LZTS3: variants seen among roughly 807,000 people sequenced by gnomAD.
The protein encoded by LZTS3 is leucine zipper tumor suppressor family member 3.
A neutral mutation model predicts 50.9 loss-of-function variants in LZTS3; 16 were observed. The observed-to-expected ratio is 0.31, with a 90% CI of 0.21 to 0.48. The LOEUF is 0.48. LZTS3 is among the 20% of genes least tolerant of loss of function. The probability of loss-of-function intolerance (pLI) is 0.99; values close to 1 mark genes in which losing one functional copy is unlikely to be tolerated. For synonymous variants in LZTS3, 408 were observed against 410.6 expected (o/e 0.99, Z 0.08); for missense variants, 816 against 931.0 (o/e 0.88, Z 1.61).
rs746599324 is a variant in LZTS3, at chr20:3,166,159, G to C, written c.661C>G (p.Arg221Gly). Residue 221 changes from arginine (R) to glycine (G), a missense_variant, in exon 4 of 5, where the codon CGG becomes GGG. By Grantham distance (125) the Arg-to-Gly change is moderately radical. Coordinates refer to ENST00000337576, the MANE Select transcript of LZTS3 (RefSeq NM_001365618.1). ...GTGGGCAGGCTTGTGAGGGAGTTCC[G>C]GCCTGAGTCTGAGAGGCCACTCCCA... ...GSGSGLSDSG[R>G]NSLTSLPTYS... The C allele has an allele frequency of 6.2e-7, 1 of 1,613,782 alleles. No individual in the cohort carries two copies. The highest frequency in any genetic ancestry group is 1.3e-5 in the African/African-American group (1 of 75,050).
rs1370064716 is a variant in LZTS3 at position 3,166,950 on chromosome 20, G to A, written c.214C>T (p.Arg72Ter). 5 of 1,605,974 alleles carry A rather than the reference G, an allele frequency of 3.1e-6. No homozygotes were observed. The highest frequency in any genetic ancestry group is 4.2e-6 in the Non-Finnish European group (5 of 1,179,374). ...GGSQGSFPGPRGSGSGASRER... is the reference protein window; with the variant it reads ...GGSQGSFPGP ...CTGCTGGCCCCACTGCCACTGCCTC[G>A]GGGGCCAGGGAAACTGCCCTGGCTG... Residue 72 changes from arginine to a stop codon, truncating the protein, a stop_gained, in exon 3 of 5, where the codon CGA becomes TGA. Transcript: ENST00000337576. LOFTEE classifies it high-confidence loss of function.
chr20:3,168,337 C>G (rs1442765013), intron 1 of LZTS3: 7 of 123,632 alleles, frequency 5.7e-5, no homozygotes, highest in Non-Finnish European at 1.0e-4. Context: ...GCGTTTCCCA[C>G]AGGTGGGAGG....
rs397955055 is a variant in LZTS3, at chr20:3,170,486, CAAAA to C, written c.-242-2529_-242-2526del. On this transcript the variant is annotated intron_variant, in intron 1 of 4. Coordinates refer to ENST00000337576, the MANE Select transcript of LZTS3 (RefSeq NM_001365618.1). ...CCTGGAAGACAGAGCGAGACTACAT[CAAAA>C]AAAAAAAAAAAAAAAACAGGTTGGC... Among the ~76,000 whole-genome samples, 338 of 72,550 alleles carry C rather than the reference CAAAA, an allele frequency of 4.7e-3. 5 individuals are homozygous for C. The highest frequency in any genetic ancestry group is 0.022 in the African/African-American group (308 of 13,930). The allele number at this position is 72,550 out of a possible 152,430, so 47.6% of individuals were successfully genotyped here.
Position 3,164,898 on chromosome 20 carries a change from C to T in LZTS3, c.1578G>A (p.Pro526=), listed in dbSNP as rs749972527. The T allele has an allele frequency of 6.4e-7, 1 of 1,551,726 alleles. No homozygotes were observed. Residue 526 remains proline (P), a synonymous_variant, in exon 5 of 5, where the codon CCG becomes CCA. Coordinates refer to ENST00000337576, the MANE Select transcript of LZTS3 (RefSeq NM_001365618.1). ...TGGCCAGAGCATCCTGTGGCTCGGC[C>T]GGGTCCACGGGGGTCAGCGCCGGCT... ...CLKPALTPVD[P]AEPQDALATC...
At chr20:3,166,415 C>A in intron 3 of LZTS3, 55 bp from the exon 4 acceptor site, 1 of 1,526,426 alleles carries the variant, frequency 6.6e-7, no homozygotes, top group Non-Finnish European at 8.8e-7. Context: ...GGGCTTGGCC[C>A]AGGCTCTTCC....
At chr20:3,166,491 T>C in intron 3 of LZTS3, 131 bp from the exon 4 acceptor site, 1 of 1,254,378 alleles carries the variant, frequency 8.0e-7, no homozygotes, top group Non-Finnish European at 1.1e-6. Flanking sequence ...AGGTTCCCCA[T>C]CCGGGGTTCT....
In LZTS3 at chr20:3,166,897, C is replaced by T; in HGVS notation, c.267G>A (p.Glu89=). The change falls in exon 3 of 5, where the codon GAG becomes GAA. Residue 89 remains glutamate (E), a synonymous_variant. Transcript: ENST00000337576. ...AGAGGGAGTTGGCGAGACCCTTGTC[C>T]TCTGAGGGGTAGCGGCCCGGCCTCT... The part of the protein sequence containing the change: ...SRERPGRYPS[E]DKGLANSLYL... The T allele has an allele frequency of 6.2e-7, 1 of 1,613,314 alleles. No homozygotes were observed. Among genetic ancestry groups the T allele is most frequent in the Non-Finnish European group, 8.5e-7 (1 of 1,180,012 alleles).
Position 3,167,968 on chromosome 20 carries a change from A to C in LZTS3, c.-242-7T>G. The C allele has an allele frequency of 1.6e-6, 1 of 625,304 alleles. No homozygotes were observed. The highest frequency in any genetic ancestry group is 2.0e-6 in the Non-Finnish European group (1 of 501,328). 38.7% of individuals were successfully genotyped at this position (625,304 alleles called of 1,614,324 possible). A position where few individuals can be genotyped will look rare whatever the true frequency, so the allele number is the denominator to read the frequency against. On this transcript the variant is annotated splice_region_variant and splice_polypyrimidine_tract_variant and intron_variant, in intron 1 of 4. Coordinates refer to ENST00000337576, the MANE Select transcript of LZTS3 (RefSeq NM_001365618.1). ...CGGACTGCAGTTTTCTCCTCTGCGA[A>C]ATGGGAGGAATGAAGGACCTACCTT...
intron 1 of LZTS3, among the ~76,000 whole-genome samples, chr20:3,171,318 C>A (rs2066900164): frequency 6.6e-6 from 1 of 152,102 alleles, no homozygotes; most frequent in Non-Finnish European, 1.5e-5. Context: ...GGACCATTGT[C>A]CTGAGCCTCC....
In LZTS3 at chr20:3,165,251, G is replaced by C. The variant is rs1316373990; in HGVS notation, c.1324-99C>G. On this transcript the variant is annotated intron_variant, in intron 4 of 4. Transcript: ENST00000337576. This position sits in a 1 kb window ranked among gnomAD's most constrained non-coding sequence, Gnocchi z 5.0. ...TGGAGCCAGGGGCACCAAGCTTCCC[G>C]GGGCTGCAGGCTCAGCCCCTCATCA... 2 of 1,278,692 alleles carry C rather than the reference G, an allele frequency of 1.6e-6. No individual in the cohort carries two copies. Among genetic ancestry groups the C allele is most frequent in the Non-Finnish European group, 2.1e-6 (2 of 957,044 alleles). The allele number at this position is 1,278,692 out of a possible 1,614,324, so 79.2% of individuals were successfully genotyped here. A position where few individuals can be genotyped will look rare whatever the true frequency, so the allele number is the denominator to read the frequency against.
Position 3,167,932 on chromosome 20 carries a change from C to T in LZTS3, c.-213G>A. ...AGCTGCGCGACTTTGGAGGGGCCGA[C>T]TGAGCCATCCCGGACTGCAGTTTTC... On this transcript the variant is annotated 5_prime_UTR_variant, in exon 2 of 5. Coordinates refer to ENST00000337576, the MANE Select transcript of LZTS3 (RefSeq NM_001365618.1). 5 of 879,358 alleles carry T rather than the reference C, an allele frequency of 5.7e-6. No homozygotes were observed. The highest frequency in any genetic ancestry group is 5.5e-6 in the Non-Finnish European group (4 of 733,020). The allele number at this position is 879,358 out of a possible 1,614,324, so 54.5% of individuals were successfully genotyped here.
chr20:3,165,250 C>T lies in LZTS3; in HGVS notation c.1324-98G>A, dbSNP rs1479388405. 6.2e-6 allele frequency: 8 copies of T among 1,286,982 alleles called. No individual in the cohort carries two copies. Among genetic ancestry groups the T allele is most frequent in the South Asian group, 1.6e-5 (1 of 64,458 alleles). The allele number at this position is 1,286,982 out of a possible 1,614,324, so 79.7% of individuals were successfully genotyped here. On this transcript the variant is annotated intron_variant, in intron 4 of 4. Coordinates refer to ENST00000337576, the MANE Select transcript of LZTS3 (RefSeq NM_001365618.1). The surrounding 1 kb of genome is among the most constrained non-coding windows in gnomAD (Gnocchi z 5.0). The stretch of plus-strand genomic sequence containing the variant: ...CTGGAGCCAGGGGCACCAAGCTTCC[C>T]GGGGCTGCAGGCTCAGCCCCTCATC...
At chr20:3,169,710 C>CGG (rs2066878517) in intron 1 of LZTS3, among the ~76,000 whole-genome samples, 1 of 151,806 alleles carries the variant, frequency 6.6e-6, no homozygotes, top group Non-Finnish European at 1.5e-5. Context: ...GGAACCCCAT[C>CGG]TCTACTAAAA....
chr20:3,165,065 C>A lies in LZTS3; in HGVS notation c.1411G>T (p.Val471Leu), dbSNP rs764591547. Residue 471 changes from valine (V) to leucine (L), a missense_variant, in exon 5 of 5, where the codon GTG becomes TTG. This residue lies in a region of LZTS3 where 700 missense variants were observed against 769.4 expected (regional missense o/e 0.91). Transcript: ENST00000337576. This position sits in a 1 kb window ranked among gnomAD's most constrained non-coding sequence, Gnocchi z 5.0. ...TCCCGCAGCTGCGAGCGCAGTCCCA[C>A]GATCTCACTCAACTTCTGCGACACA... ...ADVSQKLSEI[V>L]GLRSQLREGR... 1 of 1,587,474 alleles carries A rather than the reference C, an allele frequency of 6.3e-7. No homozygotes were observed. Among genetic ancestry groups the A allele is most frequent in the South Asian group, 1.1e-5 (1 of 87,246 alleles).
At chr20:3,171,558 G>A (rs372407521) in intron 1 of LZTS3, among the ~76,000 whole-genome samples, 5 of 151,834 alleles carry the variant, frequency 3.3e-5, no homozygotes, top group East Asian at 1.9e-4. Context: ...CCAGCTACTC[G>A]GGAGGCTGAG....
chr20:3,168,205 T>TG (rs1184210864), intron 1 of LZTS3: 4 of 152,062 alleles, frequency 2.6e-5, no homozygotes, highest in Non-Finnish European at 5.9e-5. Flanking sequence ...ACCGGGGCCC[T>TG]GGGAAGACAG....
At chr20:3,170,725 G>C (rs1430422854) in intron 1 of LZTS3, among the ~76,000 whole-genome samples, 1 of 151,626 alleles carries the variant, frequency 6.6e-6, no homozygotes, top group Non-Finnish European at 1.5e-5. Context: ...CCCAGGAGGT[G>C]GAGGTTGCAG....
In LZTS3 at chr20:3,172,726, T is replaced by G. The variant is rs1484728399; in HGVS notation, c.-243+729A>C. ...ACCAAGGAAATGCAGGGCAAATGCC[T>G]GTGGGAATGCTAGTTATGGGCAATG... On this transcript the variant is annotated intron_variant, in intron 1 of 4. Transcript: ENST00000337576. Among the ~76,000 whole-genome samples, 6 of 152,038 alleles carry G rather than the reference T, an allele frequency of 3.9e-5. No individual in the cohort carries two copies. The East Asian group carries it at 1.2e-3, about 29-fold the overall frequency.
rs2066788836 is a variant in LZTS3, at chr20:3,165,020, C to T, written c.1456G>A (p.Glu486Lys). The T allele has an allele frequency of 1.3e-6, 2 of 1,560,594 alleles. No individual in the cohort carries two copies. Among genetic ancestry groups the T allele is most frequent in the Admixed American group, 1.9e-5 (1 of 52,246 alleles). ...QLREGRASLREKEEQLLSLRD... is the reference protein window; with the variant it reads ...QLREGRASLRKKEEQLLSLRD... ...AGGCTGAGCAGCTGCTCCTCCTTCTCCCGCAGCGAAGCCCGGCCCTCCCGC... is the reference window on the plus strand; with the variant it reads ...AGGCTGAGCAGCTGCTCCTCCTTCTTCCGCAGCGAAGCCCGGCCCTCCCGC... Residue 486 changes from glutamate to lysine, a missense_variant, in exon 5 of 5, where the codon GAG (glutamate) becomes AAG (lysine). Transcript: ENST00000337576. This position sits in a 1 kb window ranked among gnomAD's most constrained non-coding sequence, Gnocchi z 5.0.
Sources: allele counts gnomAD v4.1 joint callset (sites outside exome capture counted in the v4.1 genomes callset), GRCh38; gene constraint gnomAD v4.1.1; regional missense constraint gnomAD v4.1.1; non-coding constraint Gnocchi (gnomAD v3.1); transcripts MANE v1.5; gene names NCBI Gene and HGNC (gene_info 2026-07-23, HGNC 2026-07-21).